Variants in EPB41L4B observed in about 807,000 individuals in gnomAD.
EPB41L4B encodes the protein band 4.1-like protein 4B.
EPB41L4B carries 30 observed loss-of-function variants against 112.5 expected under a neutral mutation model. The observed-to-expected ratio is 0.27, with a 90% CI of 0.20 to 0.36. The LOEUF is 0.36. Ranked by LOEUF, EPB41L4B falls within the 10% of genes least tolerant of loss-of-function variation. The pLI is 1.00. For synonymous variants in EPB41L4B, 408 were observed against 439.7 expected, an observed-to-expected ratio of 0.93 and a Z score of 0.90; for missense variants, 1,024 against 1,133.3, an observed-to-expected ratio of 0.90 and a Z score of 1.38.
chr9:109,318,001 G>A (rs1316338006), intron 1 of EPB41L4B, among the ~76,000 whole-genome samples: 1 of 152,220 alleles, frequency 6.6e-6, no homozygotes, highest in Non-Finnish European at 1.5e-5. Flanking sequence ...GATTAGTGTA[G>A]GAGACTGTGA....
At chr9:109,193,282 T>G (rs1020603833) in intron 21 of EPB41L4B, among the ~76,000 whole-genome samples, 4 of 152,214 alleles carry the variant, frequency 2.6e-5, no homozygotes, top group African/African-American at 9.7e-5. Flanking sequence ...GCCTTGGTAA[T>G]GCAGGAGGTG....
intron 1 of EPB41L4B, among the ~76,000 whole-genome samples, chr9:109,311,213 T>A (rs1397201016): frequency 6.6e-6 from 1 of 152,192 alleles, no homozygotes; most frequent in African/African-American, 2.4e-5. Flanking sequence ...TTTATATTAA[T>A]ACCATGATTT....
At chr9:109,287,117 G>C (rs1167776555) in intron 1 of EPB41L4B, among the ~76,000 whole-genome samples, 1 of 152,166 alleles carries the variant, frequency 6.6e-6, no homozygotes, top group African/African-American at 2.4e-5. Context: ...AGAGTACATA[G>C]TTGCCAGTGA....
chr9:109,312,513 A>G (rs535889679), intron 1 of EPB41L4B, among the ~76,000 whole-genome samples: 1 of 151,574 alleles, frequency 6.6e-6, no homozygotes, highest in African/African-American at 2.4e-5. Flanking sequence ...GAGCCCTCCC[A>G]CCCCCCTCGC....
At chr9:109,287,456 C>T (rs1043447525) in intron 1 of EPB41L4B, among the ~76,000 whole-genome samples, 1 of 152,190 alleles carries the variant, frequency 6.6e-6, no homozygotes, top group Non-Finnish European at 1.5e-5. Context: ...CCAGCCATCC[C>T]AGGCAGGTTT....
intron 1 of EPB41L4B, among the ~76,000 whole-genome samples, chr9:109,319,411 C>G (rs1837756477): frequency 1.3e-5 from 2 of 152,290 alleles, no homozygotes; most frequent in South Asian, 4.1e-4. Flanking sequence ...CCCCGGGCAC[C>G]CCGGGGTCGA....
At chr9:109,288,102 A>G (rs532386514) in intron 1 of EPB41L4B, among the ~76,000 whole-genome samples, 4 of 152,382 alleles carry the variant, frequency 2.6e-5, no homozygotes, top group South Asian at 2.1e-4. Flanking sequence ...TGGGGCCTTC[A>G]GGCCCCGTCA....
intron 22 of EPB41L4B, among the ~76,000 whole-genome samples, chr9:109,185,926 T>A (rs1301498903): frequency 1.3e-5 from 2 of 151,896 alleles, no homozygotes; most frequent in Non-Finnish European, 2.9e-5. Flanking sequence ...CTGTGCCAAC[T>A]GCACAGGACA....
chr9:109,256,435 C>T lies in EPB41L4B; in HGVS notation c.798G>A (p.Ala266=). 6.2e-7 allele frequency: 1 copy of T among 1,614,222 alleles called. No individual in the cohort carries two copies. The highest frequency in any genetic ancestry group is 1.1e-5 in the South Asian group (1 of 91,088). Residue 266 remains alanine, a synonymous_variant, in exon 8 of 26, where the codon GCG becomes GCA. Transcript: ENST00000374566. ...AQAELSYLNK[A]KWLEMYGVDM... is the part of the protein sequence containing the mutation. ...CTACCCCATACATTTCCAGCCACTT[C>T]GCTTTATTCAGATAGGAGAGTTCCG... is the stretch of plus-strand genomic sequence containing the variant.
chr9:109,190,938 C>T (rs1198622556), intron 22 of EPB41L4B, among the ~76,000 whole-genome samples: 1 of 152,146 alleles, frequency 6.6e-6, no homozygotes, highest in Non-Finnish European at 1.5e-5. Flanking sequence ...ATAAGGAAGC[C>T]CCTCTGCAGC....
At chr9:109,223,334 C>T (rs1833656686) in intron 15 of EPB41L4B, among the ~76,000 whole-genome samples, 1 of 150,704 alleles carries the variant, frequency 6.6e-6, no homozygotes, top group Admixed American at 6.7e-5. Context: ...ACTCAGGAGG[C>T]TTAGATGGAG....
chr9:109,195,066 T>G (rs1028842612), intron 20 of EPB41L4B, among the ~76,000 whole-genome samples: 1 of 152,368 alleles, frequency 6.6e-6, no homozygotes, highest in South Asian at 2.1e-4. Context: ...GTTCCCACTC[T>G]TTTGGCTATT....
At chr9:109,307,780 G>C (rs192728919) in intron 1 of EPB41L4B, among the ~76,000 whole-genome samples, 4 of 152,248 alleles carry the variant, frequency 2.6e-5, no homozygotes, top group Admixed American at 6.5e-5. Flanking sequence ...GCTGGAGAAA[G>C]CCCCAGCTCT....
At chr9:109,225,450 G>GGTAC (rs955372817) in intron 15 of EPB41L4B, among the ~76,000 whole-genome samples, 1 of 152,166 alleles carries the variant, frequency 6.6e-6, no homozygotes, top group African/African-American at 2.4e-5. Flanking sequence ...GAAGGTGAAA[G>GGTAC]GTACATCTCA....
intron 15 of EPB41L4B, among the ~76,000 whole-genome samples, chr9:109,234,288 G>A (rs761101270): frequency 6.6e-6 from 1 of 152,128 alleles, no homozygotes; most frequent in Non-Finnish European, 1.5e-5. Flanking sequence ...ATGCTACTTC[G>A]AGGGAATTTA....
chr9:109,298,970 C>G (rs930069449), intron 1 of EPB41L4B, among the ~76,000 whole-genome samples: 4 of 152,152 alleles, frequency 2.6e-5, no homozygotes, highest in Admixed American at 6.6e-5. Context: ...TTCTAAGATA[C>G]CTAGAGAAGC....
chr9:109,188,152 T>G (rs776735875), intron 22 of EPB41L4B, among the ~76,000 whole-genome samples: 86 of 152,146 alleles, frequency 5.7e-4, no homozygotes, highest in Non-Finnish European at 1.0e-3. Flanking sequence ...TACATGATGA[T>G]GAAAATGTGT....
At chr9:109,285,157 T>C (rs1836222498) in intron 1 of EPB41L4B, among the ~76,000 whole-genome samples, 1 of 152,232 alleles carries the variant, frequency 6.6e-6, no homozygotes, top group South Asian at 2.1e-4. Context: ...ATTCCCCACC[T>C]GGGTCTGTTT....
intron 1 of EPB41L4B, among the ~76,000 whole-genome samples, chr9:109,281,780 C>A (rs1451505990): frequency 6.6e-6 from 1 of 152,032 alleles, no homozygotes; most frequent in East Asian, 1.9e-4. Context: ...TAGAAACCCT[C>A]ATATACTGCT....
Sources: gnomAD v4.1 joint callset for allele counts (sites outside exome capture counted in the v4.1 genomes callset) on GRCh38, gnomAD v4.1.1 for gene constraint, MANE v1.5 for transcripts, NCBI Gene and HGNC (gene_info 2026-07-23, HGNC 2026-07-21) for gene names.